LRCH1: variants seen among roughly 807,000 people sequenced by gnomAD.
The protein encoded by LRCH1 is leucine-rich repeat and calponin homology domain-containing protein 1.
LRCH1 carries 23 observed loss-of-function variants against 94.9 expected under a neutral mutation model. The ratio of observed to expected loss-of-function variants is 0.24; its 90% confidence interval spans 0.17 to 0.34. The LOEUF (loss-of-function observed/expected upper bound fraction) is 0.34, where lower values mean the gene tolerates loss of function less well. Among genes scored for constraint, LRCH1 ranks in the 10% least tolerant of loss-of-function variants. The pLI, the probability that LRCH1 is intolerant of heterozygous loss-of-function variation, is 1.00. For synonymous variants in LRCH1, 364 were observed against 354.9 expected (o/e 1.03, Z -0.29); for missense variants, 790 against 945.9 (o/e 0.84, Z 2.16).
chr13:46,740,279 C>G (rs1048359800), intron 19 of LRCH1, among the ~76,000 whole-genome samples: 4 of 152,308 alleles, frequency 2.6e-5, no homozygotes, highest in African/African-American at 4.8e-5. Context: ...TCCAGATCCA[C>G]TGAGAAAAGA....
intron 1 of LRCH1, among the ~76,000 whole-genome samples, chr13:46,637,919 A>G (rs1326965905): frequency 2.0e-5 from 3 of 152,232 alleles, no homozygotes; most frequent in South Asian, 4.1e-4. Flanking sequence ...TTGAATGACT[A>G]TAGAGAAGAA....
chr13:46,619,059 TCTTTTTTCCTTCCTTCC>T (rs1434573079), intron 1 of LRCH1, among the ~76,000 whole-genome samples: 1 of 124,628 alleles, frequency 8.0e-6, no homozygotes, highest in African/African-American at 3.3e-5. Flanking sequence ...TCTTTTCTTT[TCTTTTTTCCTTCCTTCC>T]TTCCTTCCTT....
chr13:46,569,601 C>T (rs1160103892), intron 1 of LRCH1, among the ~76,000 whole-genome samples: 1 of 152,130 alleles, frequency 6.6e-6, no homozygotes, highest in Non-Finnish European at 1.5e-5. Context: ...CAGACCCCTC[C>T]TGTGGCTCTC....
rs937028956 is a variant in LRCH1 at position 46,743,838 on chromosome 13, A to C, written c.*1990A>C. On this transcript the variant is annotated 3_prime_UTR_variant, in exon 20 of 20. Transcript: ENST00000389797. ...TAGATTTAATTTTCAGTGTTGATAT[A>C]GTTCAATTAAAACATGTTAAAGACA... is the stretch of plus-strand genomic sequence containing the variant. 1.6e-5 allele frequency: 16 copies of C among 983,016 alleles called. No individual in the cohort carries two copies. Among genetic ancestry groups the C allele is most frequent in the African/African-American group, 1.7e-5 (1 of 57,208 alleles). The allele number at this position is 983,016 out of a possible 1,614,324, so 60.9% of individuals were successfully genotyped here. A position where few individuals can be genotyped will look rare whatever the true frequency, so the allele number is the denominator to read the frequency against.
At chr13:46,574,001 A>G (rs1309288819) in intron 1 of LRCH1, among the ~76,000 whole-genome samples, 1 of 150,164 alleles carries the variant, frequency 6.7e-6, no homozygotes, top group Non-Finnish European at 1.5e-5. Context: ...ACACACCACC[A>G]TGCCCGGCTA....
intron 1 of LRCH1, among the ~76,000 whole-genome samples, chr13:46,608,559 A>G (rs1354057707): frequency 1.3e-5 from 2 of 152,238 alleles, no homozygotes; most frequent in African/African-American, 4.8e-5. Flanking sequence ...CAGGAAAAGA[A>G]GCCAAGTTAA....
At chr13:46,701,708 A>G (rs1593362999) in intron 11 of LRCH1, among the ~76,000 whole-genome samples, 1 of 152,362 alleles carries the variant, frequency 6.6e-6, no homozygotes, top group East Asian at 1.9e-4. Flanking sequence ...TTGATCGATA[A>G]TAGGCACTAC....
Position 46,699,320 on chromosome 13 carries a change from T to C in LRCH1, c.1246-16T>C. On this transcript the variant is annotated splice_polypyrimidine_tract_variant and intron_variant, in intron 9 of 19. Coordinates refer to ENST00000389797, the MANE Select transcript of LRCH1 (RefSeq NM_001164211.2). ...TAGCCAATGGTTTTCAGGAACCCTG[T>C]GTGTTTTGTCCACAGGCAAGGGCAG... The C allele has an allele frequency of 6.2e-7, 1 of 1,610,160 alleles. No homozygotes were observed. The highest frequency in any genetic ancestry group is 8.5e-7 in the Non-Finnish European group (1 of 1,176,442).
intron 1 of LRCH1, among the ~76,000 whole-genome samples, chr13:46,647,207 A>G (rs1426518003): frequency 2.0e-5 from 3 of 152,096 alleles, no homozygotes; most frequent in African/African-American, 4.8e-5. Context: ...GTTAAAGTGT[A>G]TGTGCATTTG....
intron 1 of LRCH1, among the ~76,000 whole-genome samples, chr13:46,568,247 A>C (rs2050206294): frequency 6.6e-6 from 1 of 152,194 alleles, no homozygotes; most frequent in South Asian, 2.1e-4. Flanking sequence ...TTTACCGGGG[A>C]CAGTCTGGGT....
At chr13:46,585,904 C>CAT in intron 1 of LRCH1, among the ~76,000 whole-genome samples, 1 of 152,120 alleles carries the variant, frequency 6.6e-6, no homozygotes, top group South Asian at 2.1e-4. Context: ...AAATCTAAGC[C>CAT]ATATATTCAG....
At chr13:46,721,332 G>A (rs1470028017) in intron 16 of LRCH1, among the ~76,000 whole-genome samples, 1 of 152,204 alleles carries the variant, frequency 6.6e-6, no homozygotes, top group Admixed American at 6.5e-5. Context: ...CGGTGTTGAG[G>A]CGCCCCTTGC....
At chr13:46,750,994 C>A (rs545463107) in exon 19 of LRCH1, 2 of 171,572 alleles carry the variant, frequency 1.2e-5, no homozygotes, top group Admixed American at 6.3e-5. Context: ...AAGACGCATT[C>A]GTTTTATTAA....
Position 46,669,120 on chromosome 13 carries a change from A to G in LRCH1, c.543A>G (p.Pro181=). ...GTAACAACAAACTTGGATCATTACC[A>G]GAAGAGATAGGTCAGCTCAAACAGT... ...IASNNKLGSL[P]EEIGQLKQLM... The change falls in exon 3 of 20, where the codon CCA becomes CCG. Residue 181 remains proline (P), a synonymous_variant. Transcript: ENST00000389797. The G allele has an allele frequency of 6.2e-7, 1 of 1,614,186 alleles. No homozygotes were observed. Among genetic ancestry groups the G allele is most frequent in the Non-Finnish European group, 8.5e-7 (1 of 1,180,012 alleles).
chr13:46,620,444 G>T (rs989733234), intron 1 of LRCH1, among the ~76,000 whole-genome samples: 1 of 152,048 alleles, frequency 6.6e-6, no homozygotes, highest in Non-Finnish European at 1.5e-5. Context: ...TCCATGGTAT[G>T]TGCCTTTATA....
At chr13:46,603,777 C>T (rs971434402) in intron 1 of LRCH1, among the ~76,000 whole-genome samples, 24 of 152,296 alleles carry the variant, frequency 1.6e-4, no homozygotes, top group Admixed American at 1.4e-3. Context: ...CCACCTCAGC[C>T]TCCTGAGTAG....
intron 18 of LRCH1, 100 bp downstream of exon 18, chr13:46,729,084 A>C (rs1043956564): frequency 1.7e-6 from 2 of 1,166,490 alleles, no homozygotes; most frequent in African/African-American, 1.5e-5. Context: ...AGCTTGCTCA[A>C]ATCTTTTCCA....
At chr13:46,675,112 T>C (rs1430472151) in intron 3 of LRCH1, among the ~76,000 whole-genome samples, 1 of 152,258 alleles carries the variant, frequency 6.6e-6, no homozygotes, top group Non-Finnish European at 1.5e-5. Flanking sequence ...ATTTTACTCA[T>C]TAAAACCTTG....
intron 1 of LRCH1, among the ~76,000 whole-genome samples, chr13:46,649,144 T>C (rs1440559059): frequency 2.0e-5 from 3 of 152,322 alleles, no homozygotes; most frequent in South Asian, 4.1e-4. Context: ...GGAAGGTGGC[T>C]CTTTAACATC....
Sources: gnomAD v4.1 joint callset for allele counts (sites outside exome capture counted in the v4.1 genomes callset) on GRCh38, gnomAD v4.1.1 for gene constraint, MANE v1.5 for transcripts, NCBI Gene and HGNC (gene_info 2026-07-23, HGNC 2026-07-21) for gene names.